OPHN1: variants seen among roughly 807,000 people sequenced by gnomAD.
The protein encoded by OPHN1 is oligophrenin-1.
In OPHN1, 11 loss-of-function variants were observed where a neutral mutation model predicts 60.7. That is an observed-to-expected ratio of 0.18 (90% CI 0.11 to 0.30). The LOEUF (loss-of-function observed/expected upper bound fraction) is 0.30, where lower values mean the gene tolerates loss of function less well. Ranked by LOEUF, OPHN1 falls within the 10% of genes least tolerant of loss-of-function variation. The pLI, the probability that OPHN1 is intolerant of heterozygous loss-of-function variation, is 1.00. For synonymous variants in OPHN1, 226 were observed against 222.6 expected (o/e 1.02, Z -0.14); for missense variants, 449 against 611.0 (o/e 0.73, Z 2.80).
At chrX:68,247,933 A>G (rs1011867168) in intron 5 of OPHN1, among the ~76,000 whole-genome samples, 3 of 111,338 alleles carry the variant, frequency 2.7e-5, no homozygotes, top group African/African-American at 9.8e-5. Context: ...ATGCAGAGCA[A>G]GATGTCGAAA....
intron 5 of OPHN1, among the ~76,000 whole-genome samples, chrX:68,265,278 C>T (rs1263700553): frequency 8.9e-6 from 1 of 112,022 alleles, no homozygotes; most frequent in East Asian, 2.8e-4. Flanking sequence ...GAGGCATCCC[C>T]CAGTAGGGAC....
intron 2 of OPHN1, among the ~76,000 whole-genome samples, chrX:68,363,348 C>T (rs1424734684): frequency 9.0e-6 from 1 of 111,284 alleles, no homozygotes; most frequent in Non-Finnish European, 1.9e-5. Context: ...TCACTCTTGT[C>T]ACCCAAGCTG....
intron 2 of OPHN1, among the ~76,000 whole-genome samples, chrX:68,402,569 C>A (rs1252914572): frequency 9.0e-6 from 1 of 111,714 alleles, no homozygotes; most frequent in African/African-American, 3.3e-5. Context: ...TGCCTAATGT[C>A]AGTATGAACT....
At chrX:68,402,555 A>G (rs147901999) in intron 2 of OPHN1, among the ~76,000 whole-genome samples, 1,478 of 111,952 alleles carry the variant, frequency 0.013, 14 homozygotes, top group Non-Finnish European at 0.023. Flanking sequence ...GGCAAAGTAA[A>G]TAATGCCTAA....
chrX:68,243,328 C>A (rs1219748341), intron 5 of OPHN1, among the ~76,000 whole-genome samples: 1 of 111,243 alleles, frequency 9.0e-6, no homozygotes, highest in Non-Finnish European at 1.9e-5. Flanking sequence ...TTAATACAAT[C>A]AATATTTCTG....
intron 2 of OPHN1, among the ~76,000 whole-genome samples, chrX:68,392,585 G>C (rs1349553786): frequency 9.1e-6 from 1 of 109,757 alleles, no homozygotes; most frequent in East Asian, 2.9e-4. Context: ...GCCCTAAATG[G>C]GGACAGTCAT....
At chrX:68,292,002 G>A (rs560944299) in intron 3 of OPHN1, among the ~76,000 whole-genome samples, 6 of 111,741 alleles carry the variant, frequency 5.4e-5, no homozygotes, top group African/African-American at 1.9e-4. Context: ...CGTTACCAAT[G>A]TACATATTTC....
At chrX:68,149,795 T>A (rs2077277805) in intron 15 of OPHN1, among the ~76,000 whole-genome samples, 1 of 107,834 alleles carries the variant, frequency 9.3e-6, no homozygotes, top group African/African-American at 3.5e-5. Flanking sequence ...TACTCCTAGT[T>A]ATATACCAAA....
chrX:68,164,662 A>G (rs1569229950), intron 15 of OPHN1, among the ~76,000 whole-genome samples: 2 of 112,031 alleles, frequency 1.8e-5, no homozygotes, highest in African/African-American at 6.5e-5. Flanking sequence ...AGAATGGTCA[A>G]TGAGCACTGG....
intron 2 of OPHN1, among the ~76,000 whole-genome samples, chrX:68,397,465 T>C (rs2078690768): frequency 9.4e-6 from 1 of 106,163 alleles, no homozygotes; most frequent in African/African-American, 3.4e-5. Flanking sequence ...ATGTTCTTTT[T>C]TTTTTTTTTT....
chrX:68,064,227 C>A (rs759705387), intron 20 of OPHN1, 50 bp from the exon 21 acceptor site: 1 of 1,141,637 alleles, frequency 8.8e-7, no homozygotes, highest in Non-Finnish European at 1.2e-6. Context: ...CTTTTAAAAC[C>A]TTTTCATTTT....
intron 2 of OPHN1, among the ~76,000 whole-genome samples, chrX:68,384,732 AAAG>A (rs202184380): frequency 1.9e-4 from 21 of 110,246 alleles, no homozygotes; most frequent in Non-Finnish European, 3.4e-4. Flanking sequence ...AAAAAAAAAA[AAAG>A]AAGAAGAATA....
intron 4 of OPHN1, among the ~76,000 whole-genome samples, chrX:68,282,718 A>T (rs1569268365): frequency 8.9e-6 from 1 of 111,745 alleles, no homozygotes; most frequent in Non-Finnish European, 1.9e-5. Flanking sequence ...CTACTCCACA[A>T]ATTAAAGATT....
At position 68,048,455 on chromosome X, in the gene OPHN1, G is replaced by A. The variant is rs1246654442; in HGVS notation, c.2378C>T (p.Ser793Phe). 8.3e-7 allele frequency: 1 copy of A among 1,208,945 alleles called. No homozygotes were observed. The highest frequency in any genetic ancestry group is 1.8e-5 in the South Asian group (1 of 56,822). Reference sequence around the variant, plus strand: ...TTCATCTCCAGGAAGTCTGCCTTGAGAACTGTGGATAAAGAAAGACGTTTC... The same window carrying A: ...TTCATCTCCAGGAAGTCTGCCTTGAAAACTGTGGATAAAGAAAGACGTTTC... Reference protein sequence around the residue: ...FETASRKTGSSQGRLPGDES With the variant: ...FETASRKTGSFQGRLPGDES Residue 793 changes from serine to phenylalanine, a missense_variant and splice_region_variant, in exon 24 of 25, where the codon TCT becomes TTT. Physicochemically the swap from Ser to Phe is radical, Grantham distance 155. This residue lies in a region of OPHN1 where 184 missense variants were observed against 160.5 expected (regional missense o/e 1.15). Transcript: ENST00000355520.
chrX:68,262,834 C>A (rs868145630), intron 5 of OPHN1, among the ~76,000 whole-genome samples: 1 of 97,428 alleles, frequency 1.0e-5, no homozygotes, highest in East Asian at 3.2e-4. Flanking sequence ...AAGGAAAGGA[C>A]AGGACAGGAC....
intron 21 of OPHN1, 113 bp downstream of exon 21, chrX:68,063,741 G>T: frequency 1.7e-6 from 1 of 590,535 alleles, no homozygotes; most frequent in Non-Finnish European, 2.5e-6. Flanking sequence ...CAATATTAGT[G>T]GTAGTAAACT....
chrX:68,218,191 G>T (rs2077627576), intron 6 of OPHN1, among the ~76,000 whole-genome samples: 1 of 100,804 alleles, frequency 9.9e-6, no homozygotes, highest in Admixed American at 1.1e-4. Flanking sequence ...GATGGAAGAT[G>T]AAATGAATGA....
At chrX:68,263,398 C>T (rs1034273008) in intron 5 of OPHN1, among the ~76,000 whole-genome samples, 3 of 111,601 alleles carry the variant, frequency 2.7e-5, no homozygotes, top group Non-Finnish European at 5.6e-5. Flanking sequence ...ATTAACTTCT[C>T]AGTTCTTTTT....
intron 3 of OPHN1, among the ~76,000 whole-genome samples, chrX:68,294,543 T>C (rs940727203): frequency 1.8e-5 from 2 of 108,860 alleles, no homozygotes; most frequent in Non-Finnish European, 3.8e-5. Context: ...AACAGGCCTC[T>C]TTCTAGCTCA....
Sources: gnomAD v4.1 joint callset for allele counts (sites outside exome capture counted in the v4.1 genomes callset) on GRCh38, gnomAD v4.1.1 for gene constraint, gnomAD v4.1.1 regional missense constraint, MANE v1.5 for transcripts, NCBI Gene and HGNC (gene_info 2026-07-23, HGNC 2026-07-21) for gene names.